Variants in NUP43 observed in about 807,000 individuals in gnomAD.
The protein encoded by NUP43 is nucleoporin Nup43.
A neutral mutation model predicts 47.3 loss-of-function variants in NUP43; 32 were observed. That is an observed-to-expected ratio of 0.68 (90% CI 0.51 to 0.91). NUP43 has a LOEUF of 0.91. Among genes scored for constraint, NUP43 ranks in the 40% least tolerant of loss-of-function variants. The pLI is 0.00. For synonymous variants in NUP43, 147 were observed against 158.4 expected, an observed-to-expected ratio of 0.93 and a Z score of 0.54; for missense variants, 444 against 453.9, an observed-to-expected ratio of 0.98 and a Z score of 0.20.
In NUP43 at chr6:149,732,183, G is replaced by GAA. The variant is rs11430528; in HGVS notation, c.791-450_791-449dup. ...GGCGACAAAGTGAGACACTGTCTGAGAAAAAAAAAAAAAAAAGAAAAGAAA... is the reference window on the plus strand; with the variant it reads ...GGCGACAAAGTGAGACACTGTCTGAGAAAAAAAAAAAAAAAAAAGAAAAGAAA... On this transcript the variant is annotated intron_variant, in intron 6 of 7. Transcript: ENST00000340413. Among the ~76,000 whole-genome samples, 198 of 107,336 alleles carry GAA rather than the reference G, an allele frequency of 1.8e-3. 1 individual carries two copies. The highest frequency in any genetic ancestry group is 7.0e-3 in the East Asian group (30 of 4,268). 70.4% of individuals were successfully genotyped at this position (107,336 alleles called of 152,430 possible).
intron 7 of NUP43, chr6:149,729,627 CCT>C: frequency 1.7e-6 from 1 of 592,358 alleles, no homozygotes; most frequent in Non-Finnish European, 2.1e-6. Context: ...TCCCAGCACC[CCT>C]CCTATTACCT....
chr6:149,746,269 A>G (rs1460286643), intron 1 of NUP43, 107 bp downstream of exon 1: 4 of 1,513,666 alleles, frequency 2.6e-6, no homozygotes, highest in Non-Finnish European at 3.6e-6. Context: ...GGGGGACCTA[A>G]AAGTGCGAGA....
At chr6:149,738,308 T>G (rs926561874) in intron 5 of NUP43, among the ~76,000 whole-genome samples, 9 of 152,158 alleles carry the variant, frequency 5.9e-5, no homozygotes, top group Non-Finnish European at 1.0e-4. Context: ...GGATTTCTGC[T>G]CAGAAAAAAT....
chr6:149,749,232 C>G (rs1432410818), upstream of NUP43: 1 of 152,544 alleles, frequency 6.6e-6, no homozygotes, highest in Non-Finnish European at 1.4e-5. Context: ...CCGGTGTACT[C>G]GGGTTAGAGA....
At chr6:149,730,689 G>A (rs755206440) in intron 7 of NUP43, among the ~76,000 whole-genome samples, 2 of 152,094 alleles carry the variant, frequency 1.3e-5, no homozygotes, top group Non-Finnish European at 2.9e-5. Flanking sequence ...GCAATACCTC[G>A]GGAGGCCCAG....
rs1305266190 is a variant in NUP43, at chr6:149,726,664, TAAAG to T, written c.*301_*304del. The T allele has an allele frequency of 1.1e-5, 4 of 354,074 alleles. No homozygotes were observed. Among genetic ancestry groups the T allele is most frequent in the Admixed American group, 4.1e-5 (1 of 24,134 alleles). 21.9% of individuals were successfully genotyped at this position (354,074 alleles called of 1,614,324 possible). On this transcript the variant is annotated 3_prime_UTR_variant, in exon 8 of 8. Coordinates refer to ENST00000340413, the MANE Select transcript of NUP43 (RefSeq NM_198887.3). The stretch of plus-strand genomic sequence containing the variant: ...GTGTTAATTCCCACAACATCAAAAA[TAAAG>T]AATTAGTTCCACAAGCTGTCTGTCA...
chr6:149,741,732 C>T (rs1369826193), intron 4 of NUP43, among the ~76,000 whole-genome samples: 2 of 152,136 alleles, frequency 1.3e-5, no homozygotes, highest in Admixed American at 1.3e-4. Flanking sequence ...ATCTTGATCG[C>T]TTGACCTTGT....
rs748001004 is a variant in NUP43 at position 149,726,723 on chromosome 6, G to C, written c.*246C>G. Reference sequence around the variant, plus strand: ...TACTCTGAAGGCAACCTATTCATCAGCACCAGAATCCCACTGATTTTCTTC... The same window carrying C: ...TACTCTGAAGGCAACCTATTCATCACCACCAGAATCCCACTGATTTTCTTC... On this transcript the variant is annotated 3_prime_UTR_variant, in exon 8 of 8. Transcript: ENST00000340413. 4.0e-6 allele frequency: 2 copies of C among 505,674 alleles called. No homozygotes were observed. The highest frequency in any genetic ancestry group is 7.1e-6 in the Non-Finnish European group (2 of 279,792). 31.3% of individuals were successfully genotyped at this position (505,674 alleles called of 1,614,324 possible).
chr6:149,728,820 T>C (rs1343882253), intron 7 of NUP43, among the ~76,000 whole-genome samples: 1 of 152,176 alleles, frequency 6.6e-6, no homozygotes, highest in Non-Finnish European at 1.5e-5. Flanking sequence ...TGCTTTCATG[T>C]CACTTATGCC....
intron 6 of NUP43, among the ~76,000 whole-genome samples, chr6:149,735,104 C>G (rs543524968): frequency 3.3e-5 from 5 of 152,154 alleles, no homozygotes; most frequent in Middle Eastern, 3.4e-3. Flanking sequence ...ACTATATTGT[C>G]CAGGCTGGAG....
At chr6:149,728,057 A>G in intron 7 of NUP43, 9 of 985,444 alleles carry the variant, frequency 9.1e-6, no homozygotes, top group Non-Finnish European at 1.1e-5. Flanking sequence ...TTCTCTAAGA[A>G]AACTTTGAAG....
upstream of NUP43, among the ~76,000 whole-genome samples, chr6:149,748,833 A>G (rs957535702): frequency 7.1e-5 from 10 of 139,930 alleles, no homozygotes; most frequent in African/African-American, 2.6e-4. Context: ...AAAAAAAAAA[A>G]AAAGTTACTG....
intron 7 of NUP43, among the ~76,000 whole-genome samples, chr6:149,730,781 A>C (rs1784995748): frequency 6.6e-6 from 1 of 151,880 alleles, no homozygotes; most frequent in Admixed American, 6.6e-5. Flanking sequence ...AAAATTAAAA[A>C]AAAAAAATTA....
chr6:149,738,672 T>C lies in NUP43; in HGVS notation c.609A>G (p.Gln203=). ...ACAATATCTGAGAAGGCTCATTTCC[T>C]TGTTGTCTGAAATCCCATATTTTCA... ...GQLKIWDFRQ[Q]GNEPSQILSL... Residue 203 remains glutamine (Q), a synonymous_variant, in exon 5 of 8, where the codon CAA becomes CAG. Coordinates refer to ENST00000340413, the MANE Select transcript of NUP43 (RefSeq NM_198887.3). The C allele has an allele frequency of 6.3e-7, 1 of 1,585,716 alleles. No individual in the cohort carries two copies. The highest frequency in any genetic ancestry group is 1.2e-5 in the South Asian group (1 of 83,360).
At chr6:149,740,497 C>T (rs1420149903) in intron 4 of NUP43, among the ~76,000 whole-genome samples, 5 of 151,628 alleles carry the variant, frequency 3.3e-5, no homozygotes, top group East Asian at 2.0e-4. Context: ...GGTGTGGTGG[C>T]GTGCGCCTGT....
intron 4 of NUP43, 60 bp from the exon 5 acceptor site, chr6:149,738,838 C>T: frequency 1.9e-6 from 2 of 1,047,554 alleles, no homozygotes; most frequent in Admixed American, 5.9e-5. Context: ...CCAAGAAAAT[C>T]TTAAATCACA....
Position 149,725,375 on chromosome 6 carries a change from T to C in NUP43, c.*1594A>G, listed in dbSNP as rs9322215. 0.55 allele frequency: 83,256 copies of C among 151,970 alleles called. 26,555 individuals are homozygous for C. The highest frequency in any genetic ancestry group is 0.85 in the African/African-American group (35,379 of 41,488). The allele number at this position is 151,970 out of a possible 1,614,324, so 9.4% of individuals were successfully genotyped here. On this transcript the variant is annotated 3_prime_UTR_variant, in exon 8 of 8. Transcript: ENST00000340413. The stretch of plus-strand genomic sequence containing the variant: ...TTGGGAGGCTGAGGCAGGTGGATCA[T>C]GAGGTCAGTTCAAGACCAGCCTGGC...
At chr6:149,738,887 T>C (rs1165031826) in intron 4 of NUP43, 109 bp from the exon 5 acceptor site, 17 of 578,168 alleles carry the variant, frequency 2.9e-5, no homozygotes, top group Non-Finnish European at 4.7e-5. Context: ...TTCCAGTAAC[T>C]TATAATTTAA....
chr6:149,747,851 G>A (rs573133728), upstream of NUP43, among the ~76,000 whole-genome samples: 1 of 152,344 alleles, frequency 6.6e-6, no homozygotes, highest in South Asian at 2.1e-4. Context: ...GCATGTAAAT[G>A]CAATCCATCT....
Sources: gnomAD v4.1 joint callset for allele counts (sites outside exome capture counted in the v4.1 genomes callset) on GRCh38, gnomAD v4.1.1 for gene constraint, MANE v1.5 for transcripts, NCBI Gene and HGNC (gene_info 2026-07-23, HGNC 2026-07-21) for gene names.